SEMA3D: variants seen among roughly 807,000 people sequenced by gnomAD.
The protein encoded by SEMA3D is semaphorin 3D, also known as semaphorin-3D.
Under a neutral mutation model 100.1 loss-of-function variants are expected in SEMA3D, and 84 were observed. The ratio of observed to expected loss-of-function variants is 0.84; its 90% CI spans 0.70 to 1.01. SEMA3D has a LOEUF of 1.01. SEMA3D is among the 50% of genes least tolerant of loss of function. The pLI is 0.00. For synonymous variants in SEMA3D, 312 were observed against 320.7 expected (o/e 0.97, Z 0.29); for missense variants, 875 against 934.1 (o/e 0.94, Z 0.82).
intron 13 of SEMA3D, among the ~76,000 whole-genome samples, chr7:85,020,838 GTATTCTATCTTCAGAATCCT>G (rs1394139178): frequency 1.3e-5 from 2 of 151,426 alleles, no homozygotes; most frequent in Non-Finnish European, 3.0e-5. Flanking sequence ...CTCTTCAAAT[GTATTCTATCTTCAGAATCCT>G]TATTAATAGA....
intron 12 of SEMA3D, among the ~76,000 whole-genome samples, chr7:85,035,327 T>C (rs1463521794): frequency 3.3e-5 from 5 of 151,770 alleles, no homozygotes; most frequent in African/African-American, 9.7e-5. Flanking sequence ...AATATCTTTA[T>C]ATGTGCATAT....
chr7:85,203,695 G>A, the SEMA3D span, among the ~76,000 whole-genome samples: 1 of 152,144 alleles, frequency 6.6e-6, no homozygotes, highest in Non-Finnish European at 1.5e-5. Context: ...ATCTATCAAA[G>A]TGAACAGTAG....
At chr7:85,102,347 C>T (rs111901692) in intron 3 of SEMA3D, among the ~76,000 whole-genome samples, 169 of 152,038 alleles carry the variant, frequency 1.1e-3, no homozygotes, top group African/African-American at 3.9e-3. Flanking sequence ...TGGAGTGTGA[C>T]CTGTGTCAGG....
the SEMA3D span, among the ~76,000 whole-genome samples, chr7:85,233,345 A>C: frequency 6.6e-6 from 1 of 152,256 alleles, no homozygotes; most frequent in Non-Finnish European, 1.5e-5. Context: ...AGTACCCTCA[A>C]ATGAAACTGG....
chr7:85,099,985 C>T (rs753585603), intron 3 of SEMA3D, among the ~76,000 whole-genome samples: 2 of 151,826 alleles, frequency 1.3e-5, no homozygotes, highest in African/African-American at 2.4e-5. Context: ...GCTTGTCTTT[C>T]GCCCATCCTA....
intron 2 of SEMA3D, chr7:85,141,016 AACT>A (rs1408978217): frequency 1.5e-6 from 1 of 686,106 alleles, no homozygotes; most frequent in African/African-American, 1.9e-5. Flanking sequence ...CTAGTTTATA[AACT>A]ACTAATGAGT....
intron 9 of SEMA3D, among the ~76,000 whole-genome samples, chr7:85,053,707 G>C (rs901585856): frequency 2.0e-5 from 3 of 152,006 alleles, no homozygotes; most frequent in African/African-American, 7.2e-5. Context: ...AAATATTGTA[G>C]ACATTTGACC....
intron 9 of SEMA3D, chr7:85,050,601 A>G: frequency 2.5e-6 from 1 of 398,088 alleles, no homozygotes; most frequent in Middle Eastern, 4.2e-4. Flanking sequence ...TTATCTTTTA[A>G]GTCAGTTTAT....
chr7:85,181,206 T>C (rs977877810), intron 1 of SEMA3D, among the ~76,000 whole-genome samples: 2 of 152,182 alleles, frequency 1.3e-5, no homozygotes, highest in African/African-American at 2.4e-5. Context: ...TGCTTTCTAA[T>C]GCTGTTATCC....
chr7:85,083,062 T>A lies in SEMA3D; in HGVS notation c.313-1483A>T, dbSNP rs537838319. Among the ~76,000 whole-genome samples, 17 of 152,318 alleles carry A rather than the reference T, an allele frequency of 1.1e-4. No individual in the cohort carries two copies. The South Asian group carries it at 3.5e-3, about 32-fold the overall frequency. ...AGCAATATGAATGGAAATTAGCAAC[T>A]CATTATTAGGTCTAAAAAGAATATC... On this transcript the variant is annotated intron_variant, in intron 4 of 18. Transcript: ENST00000284136.
At chr7:85,233,263 TG>T in the SEMA3D span, among the ~76,000 whole-genome samples, 1 of 152,140 alleles carries the variant, frequency 6.6e-6, no homozygotes, top group Admixed American at 6.6e-5. Context: ...AGATGTTACT[TG>T]AATGAAAAGT....
chr7:85,065,642 G>T lies in SEMA3D; in HGVS notation c.590-90C>A. ...ACAAATTTCACAGCATGACACCAAA[G>T]ATGTTTGTTTCTTAATATCAGAATG... On this transcript the variant is annotated intron_variant, in intron 7 of 18. Coordinates refer to ENST00000284136, the MANE Select transcript of SEMA3D (RefSeq NM_001384900.1). The T allele has an allele frequency of 3.2e-6, 3 of 942,346 alleles. No individual in the cohort carries two copies. The Admixed American group carries it at 6.6e-5, about 21-fold the overall frequency. 58.4% of individuals were successfully genotyped at this position (942,346 alleles called of 1,614,324 possible).
chr7:85,017,398 A>C (rs1287135532), intron 15 of SEMA3D, among the ~76,000 whole-genome samples: 3 of 151,652 alleles, frequency 2.0e-5, no homozygotes, highest in Non-Finnish European at 4.4e-5. Context: ...TCATTCATGT[A>C]CCCTCCAAGC....
the SEMA3D span, among the ~76,000 whole-genome samples, chr7:85,239,391 C>T: frequency 2.0e-5 from 3 of 152,176 alleles, no homozygotes; most frequent in South Asian, 2.1e-4. Flanking sequence ...GGCATCGTCT[C>T]GAAGCAGACA....
intron 12 of SEMA3D, chr7:85,029,157 C>G: frequency 1.6e-6 from 1 of 644,942 alleles, no homozygotes; most frequent in African/African-American, 1.8e-5. Flanking sequence ...GGATAAAAAC[C>G]TACTTCGCAA....
the SEMA3D span, among the ~76,000 whole-genome samples, chr7:85,228,783 C>T: frequency 6.6e-6 from 1 of 151,962 alleles, no homozygotes; most frequent in Non-Finnish European, 1.5e-5. Context: ...ATGAAAAAGA[C>T]ATAGAGAGAA....
At chr7:85,236,281 T>TTTAATTAA in the SEMA3D span, among the ~76,000 whole-genome samples, 1 of 131,976 alleles carries the variant, frequency 7.6e-6, no homozygotes, top group African/African-American at 3.4e-5. Flanking sequence ...TTTTATTTTA[T>TTTAATTAA]TTTATTTATT....
At chr7:85,195,481 C>T in the SEMA3D span, among the ~76,000 whole-genome samples, 1 of 151,858 alleles carries the variant, frequency 6.6e-6, no homozygotes, top group African/African-American at 2.4e-5. Context: ...CTGAGTCGCT[C>T]TCTCATCCAG....
intron 1 of SEMA3D, among the ~76,000 whole-genome samples, chr7:85,183,892 T>C (rs549935264): frequency 6.6e-6 from 1 of 152,300 alleles, no homozygotes; most frequent in East Asian, 1.9e-4. Flanking sequence ...ATTCAGGTCA[T>C]GAGGACAATA....
Sources: allele counts gnomAD v4.1 joint callset (sites outside exome capture counted in the v4.1 genomes callset), GRCh38; gene constraint gnomAD v4.1.1; transcripts MANE v1.5; gene names NCBI Gene and HGNC (gene_info 2026-07-23, HGNC 2026-07-21).